Variants in HIPK3 observed in about 807,000 individuals in gnomAD.
HIPK3 encodes homeodomain-interacting protein kinase 3.
In HIPK3, 47 loss-of-function variants were observed where a neutral mutation model predicts 124.2. The observed-to-expected ratio is 0.38, with a 90% CI of 0.30 to 0.48. HIPK3 has a LOEUF of 0.48. Ranked by LOEUF, HIPK3 falls within the 20% of genes least tolerant of loss-of-function variation. The pLI is 0.98. For missense variants in HIPK3, 1,286 were observed against 1,454.3 expected, an observed-to-expected ratio of 0.88 and a Z score of 1.88; for synonymous variants, 482 against 515.2, an observed-to-expected ratio of 0.94 and a Z score of 0.87.
chr11:33,258,354 G>A, intron 1 of HIPK3: 1 of 985,602 alleles, frequency 1.0e-6, no homozygotes, highest in Non-Finnish European at 1.2e-6. Flanking sequence ...ACAAACAAAC[G>A]CGCAGGCACG....
At chr11:33,270,453 C>G (rs147882543) in intron 1 of HIPK3, among the ~76,000 whole-genome samples, 4,137 of 152,094 alleles carry the variant, frequency 0.027, 80 homozygotes, top group Non-Finnish European at 0.043. Flanking sequence ...GGATTACAGG[C>G]GCCTGCCACC....
intron 3 of HIPK3, among the ~76,000 whole-genome samples, chr11:33,330,671 A>G (rs1852951244): frequency 6.6e-6 from 1 of 152,142 alleles, no homozygotes; most frequent in Non-Finnish European, 1.5e-5. Context: ...CATGAATGCA[A>G]AGCAAATAAA....
rs575613881 is a variant in HIPK3 at position 33,279,077 on chromosome 11, G to A, written c.-2-7336G>A. ...TGCTTGTAATCCCAACACTTGAGAG[G>A]CTGAGGTGGGTGGATGGCTTGAGGC... is the stretch of plus-strand genomic sequence containing the variant. On this transcript the variant is annotated intron_variant, in intron 1 of 16. Transcript: ENST00000303296. 4.7e-3 allele frequency among the ~76,000 whole-genome samples: 721 copies of A among 152,124 alleles called. 14 individuals are homozygous for A. The highest frequency in any genetic ancestry group is 7.5e-3 in the Non-Finnish European group (508 of 67,986).
chr11:33,279,518 A>T (rs540426539), intron 1 of HIPK3, among the ~76,000 whole-genome samples: 1 of 152,140 alleles, frequency 6.6e-6, no homozygotes. Context: ...AAAAAGATGG[A>T]AACAGCCCAC....
chr11:33,257,306 GGGCGGGCGGTGGCGCTGCGGA>G, upstream of HIPK3: 1 of 983,684 alleles, frequency 1.0e-6, no homozygotes, highest in Non-Finnish European at 1.2e-6. Flanking sequence ...CAGCGCTGCC[GGGCGGGCGGTGGCGCTGCGGA>G]GGCGGTGGCC....
chr11:33,281,375 AAC>A (rs1311228710), intron 1 of HIPK3, among the ~76,000 whole-genome samples: 3 of 152,148 alleles, frequency 2.0e-5, no homozygotes, highest in African/African-American at 7.2e-5. Context: ...TTCTGTAAAT[AAC>A]AGTTTATGAC....
upstream of HIPK3, chr11:33,257,301 C>G (rs1034811531): frequency 2.0e-6 from 2 of 983,472 alleles, no homozygotes; most frequent in Admixed American, 6.2e-5. Context: ...GCGCGCAGCG[C>G]TGCCGGGCGG....
chr11:33,330,109 A>G (rs1018862044), intron 3 of HIPK3, among the ~76,000 whole-genome samples: 6 of 152,206 alleles, frequency 3.9e-5, no homozygotes, highest in African/African-American at 1.2e-4. Context: ...AAAAGTCACA[A>G]TAGTAATTTT....
chr11:33,347,883 T>A lies in HIPK3; in HGVS notation c.2176T>A (p.Ser726Thr). The change falls in exon 11 of 17, where the codon TCA (serine) becomes ACA (threonine). Residue 726 changes from serine (S) to threonine (T), a missense_variant. This residue lies in a region of HIPK3 where 810 missense variants were observed against 864.9 expected (regional missense o/e 0.94). Transcript: ENST00000303296. ...KMISCSNHYN[S>T]VMPQPLLTNQ... ...GATTTCATGCAGCAATCATTATAAC[T>A]CAGTGATGCCGCAGCCTCTTCTGAC... 1 of 1,614,214 alleles carries A rather than the reference T, an allele frequency of 6.2e-7. No individual in the cohort carries two copies. The highest frequency in any genetic ancestry group is 8.5e-7 in the Non-Finnish European group (1 of 1,180,024).
At chr11:33,269,008 G>A (rs1211472853) in intron 1 of HIPK3, among the ~76,000 whole-genome samples, 1 of 152,060 alleles carries the variant, frequency 6.6e-6, no homozygotes, top group Admixed American at 6.6e-5. Context: ...GCTCTTACCT[G>A]TTTTTATGTT....
intron 3 of HIPK3, among the ~76,000 whole-genome samples, chr11:33,335,092 T>A (rs751968845): frequency 6.6e-6 from 1 of 152,154 alleles, no homozygotes; most frequent in Non-Finnish European, 1.5e-5. Flanking sequence ...ATGGTGTTGC[T>A]ATTAACCATA....
intron 2 of HIPK3, among the ~76,000 whole-genome samples, chr11:33,317,333 C>T (rs947524955): frequency 2.2e-5 from 3 of 138,780 alleles, no homozygotes; most frequent in Non-Finnish European, 4.6e-5. Context: ...TTCAGTGGCA[C>T]AGTCTGAGCT....
intron 1 of HIPK3, among the ~76,000 whole-genome samples, chr11:33,275,280 C>T (rs952779143): frequency 2.0e-5 from 3 of 152,036 alleles, no homozygotes; most frequent in South Asian, 4.1e-4. Context: ...CCTCGTGATC[C>T]GCCCGCCTCA....
Position 33,333,472 on chromosome 11 carries a change from T to C in HIPK3, c.1222-3603T>C, listed in dbSNP as rs1167549024. Reference sequence around the variant, plus strand: ...TCTTAGTTCACATTTCTGACATAGTTAATCTGATTGACTTAGTTTTTTTCT... The same window carrying C: ...TCTTAGTTCACATTTCTGACATAGTCAATCTGATTGACTTAGTTTTTTTCT... On this transcript the variant is annotated intron_variant, in intron 3 of 16. Coordinates refer to ENST00000303296, the MANE Select transcript of HIPK3 (RefSeq NM_005734.5). Among the ~76,000 whole-genome samples the C allele has an allele frequency of 1.9e-4, 29 of 152,246 alleles. 1 individual carries two copies. Among genetic ancestry groups the C allele is most frequent in the Admixed American group, 1.9e-3 (29 of 15,284 alleles).
intron 6 of HIPK3, 43 bp downstream of exon 6, chr11:33,339,577 T>G: frequency 7.4e-7 from 1 of 1,342,442 alleles, no homozygotes; most frequent in Non-Finnish European, 1.0e-6. Context: ...TAAAAAAAAA[T>G]AAGTCTGTAG....
chr11:33,289,253 A>G (rs1208868508), intron 2 of HIPK3, among the ~76,000 whole-genome samples: 1 of 152,102 alleles, frequency 6.6e-6, no homozygotes, highest in Non-Finnish European at 1.5e-5. Context: ...CAGCCTGGGC[A>G]ACAGAGCGAG....
At chr11:33,283,271 C>T (rs762885244) in intron 1 of HIPK3, among the ~76,000 whole-genome samples, 3 of 152,158 alleles carry the variant, frequency 2.0e-5, no homozygotes, top group East Asian at 3.9e-4. Context: ...CCACCACTCC[C>T]GGCTAATTTT....
chr11:33,257,233 C>A (rs1388192765), upstream of HIPK3: 7 of 983,886 alleles, frequency 7.1e-6, no homozygotes, highest in East Asian at 4.6e-4. Context: ...GGGCGGACCC[C>A]GGGGAGGGGC....
chr11:33,317,385 C>G (rs560234582), intron 2 of HIPK3, among the ~76,000 whole-genome samples: 1 of 151,692 alleles, frequency 6.6e-6, no homozygotes, highest in African/African-American at 2.4e-5. Context: ...CTCAGCTCCC[C>G]AAGTAGCTGG....
Sources: allele counts gnomAD v4.1 joint callset (sites outside exome capture counted in the v4.1 genomes callset), GRCh38; gene constraint gnomAD v4.1.1; regional missense constraint gnomAD v4.1.1; transcripts MANE v1.5; gene names NCBI Gene and HGNC (gene_info 2026-07-23, HGNC 2026-07-21).